Variants in SDK1 observed in about 807,000 individuals in gnomAD.
SDK1 encodes protein sidekick-1.
In SDK1, 157 loss-of-function variants were observed where a neutral mutation model predicts 245.5. The ratio of observed to expected loss-of-function variants is 0.64; its 90% confidence interval spans 0.56 to 0.73. The LOEUF (loss-of-function observed/expected upper bound fraction) is 0.73. Ranked by LOEUF, SDK1 falls within the 30% of genes least tolerant of loss-of-function variation. The probability of loss-of-function intolerance (pLI) is 0.00; values close to 1 mark genes in which losing one functional copy is unlikely to be tolerated. For synonymous variants in SDK1, 1,647 were observed against 1,278.5 expected (o/e 1.29, Z -6.15); for missense variants, 3,583 against 3,002.3 (o/e 1.19, Z -4.52).
chr7:3,492,683 T>A (rs1020486344), intron 1 of SDK1, among the ~76,000 whole-genome samples: 7 of 152,208 alleles, frequency 4.6e-5, no homozygotes, highest in African/African-American at 1.2e-4. Context: ...TGCTTCCTGG[T>A]TGACTGATGC....
In SDK1 at chr7:4,232,231, A is replaced by T. The variant is rs368701018; in HGVS notation, c.5828-1024A>T. Among the ~76,000 whole-genome samples, 5 of 151,810 alleles carry T rather than the reference A, an allele frequency of 3.3e-5. No homozygotes were observed. In the South Asian group the frequency reaches 1.0e-3, roughly 31 times the overall value. ...ACCATTCTACAGACAAGGGTCAGAG[A>T]GGTTCCGTTCTTTGTCTAAAGCCAC... On this transcript the variant is annotated intron_variant, in intron 40 of 44. Coordinates refer to ENST00000404826, the MANE Select transcript of SDK1 (RefSeq NM_152744.4).
chr7:3,766,599 G>A (rs1333415027), intron 4 of SDK1, among the ~76,000 whole-genome samples: 3 of 152,140 alleles, frequency 2.0e-5, no homozygotes, highest in Non-Finnish European at 2.9e-5. Flanking sequence ...TTTTAGTAAG[G>A]ATTTAGTAAA....
intron 35 of SDK1, among the ~76,000 whole-genome samples, chr7:4,189,375 C>A (rs1443092243): frequency 6.6e-6 from 1 of 152,148 alleles, no homozygotes; most frequent in African/African-American, 2.4e-5. Context: ...AAATATTAGT[C>A]CAGCAAAAAG....
At chr7:3,717,513 T>C (rs1385132570) in intron 4 of SDK1, among the ~76,000 whole-genome samples, 1 of 152,048 alleles carries the variant, frequency 6.6e-6, no homozygotes, top group Non-Finnish European at 1.5e-5. Flanking sequence ...TAATTTAAGC[T>C]CCCACCTAAG....
chr7:4,207,702 TG>T (rs1401261724), intron 36 of SDK1, among the ~76,000 whole-genome samples: 1 of 151,778 alleles, frequency 6.6e-6, no homozygotes, highest in East Asian at 1.9e-4. Flanking sequence ...CTCCAGAAGA[TG>T]GGGGAGAGGG....
At chr7:3,352,290 A>G (rs922339877) in intron 1 of SDK1, among the ~76,000 whole-genome samples, 2 of 151,752 alleles carry the variant, frequency 1.3e-5, no homozygotes, top group African/African-American at 4.8e-5. Context: ...CAAATACTTG[A>G]TACACGTTCC....
At chr7:3,792,442 A>G (rs1019005106) in intron 4 of SDK1, among the ~76,000 whole-genome samples, 2 of 152,230 alleles carry the variant, frequency 1.3e-5, no homozygotes, top group Non-Finnish European at 2.9e-5. Flanking sequence ...CGTGACTTAT[A>G]TAACTTTATA....
At chr7:4,237,827 C>T (rs767530117) in intron 42 of SDK1, 43 bp downstream of exon 42, 6 of 1,609,484 alleles carry the variant, frequency 3.7e-6, no homozygotes, top group Non-Finnish European at 5.1e-6. Flanking sequence ...CGATGCCACT[C>T]AGCCAAAACA....
At chr7:4,149,499 G>T in intron 30 of SDK1, 36 bp downstream of exon 30, 1 of 1,378,204 alleles carries the variant, frequency 7.3e-7, no homozygotes. Context: ...CCGGGGAACG[G>T]GGCCCTGGCC....
In SDK1 at chr7:3,369,234, C is replaced by T. The variant is rs562762344; in HGVS notation, c.298+67350C>T. Among the ~76,000 whole-genome samples the T allele has an allele frequency of 1.1e-4, 16 of 151,948 alleles. 1 individual carries two copies. The South Asian group carries it at 2.7e-3, about 26-fold the overall frequency. The stretch of plus-strand genomic sequence containing the variant: ...TGATTTTTTGTATTTTTAGTAGAGA[C>T]GGGGTTTCACCATGTTGGCGAGGCT... On this transcript the variant is annotated intron_variant, in intron 1 of 44. Coordinates refer to ENST00000404826, the MANE Select transcript of SDK1 (RefSeq NM_152744.4).
chr7:3,349,960 C>G (rs954979687), intron 1 of SDK1, among the ~76,000 whole-genome samples: 1 of 152,160 alleles, frequency 6.6e-6, no homozygotes, highest in Non-Finnish European at 1.5e-5. Flanking sequence ...AGGTTTACTC[C>G]TTGGGCAGTG....
At chr7:3,499,345 A>G (rs1374497795) in intron 1 of SDK1, among the ~76,000 whole-genome samples, 1 of 152,198 alleles carries the variant, frequency 6.6e-6, no homozygotes, top group Non-Finnish European at 1.5e-5. Flanking sequence ...TTCCTTAATG[A>G]CTTAGCCATT....
At chr7:3,630,489 G>A (rs1782256356) in intron 2 of SDK1, among the ~76,000 whole-genome samples, 1 of 152,130 alleles carries the variant, frequency 6.6e-6, no homozygotes, top group African/African-American at 2.4e-5. Context: ...ATTTAAGGTA[G>A]GATGGGCATG....
intron 1 of SDK1, among the ~76,000 whole-genome samples, chr7:3,478,758 T>A (rs1781420828): frequency 6.6e-6 from 1 of 152,122 alleles, no homozygotes; most frequent in Non-Finnish European, 1.5e-5. Flanking sequence ...CCTTTCCTAA[T>A]TGTTAAATTT....
At position 4,202,536 on chromosome 7, in the gene SDK1, C is replaced by T. The variant is rs571901270; in HGVS notation, c.5099-3343C>T. 3.3e-5 allele frequency among the ~76,000 whole-genome samples: 5 copies of T among 152,326 alleles called. No homozygotes were observed. The South Asian group carries it at 1.0e-3, about 32-fold the overall frequency. ...GGGCCAGAGGGGAAAATGTGCAGTC[C>T]TCCCTCAGTTGGAGCGACCGCCAGT... On this transcript the variant is annotated intron_variant, in intron 35 of 44. Coordinates refer to ENST00000404826, the MANE Select transcript of SDK1 (RefSeq NM_152744.4).
intron 28 of SDK1, among the ~76,000 whole-genome samples, chr7:4,139,521 G>GTATA (rs1445507680): frequency 3.5e-5 from 1 of 28,338 alleles, no homozygotes; most frequent in African/African-American, 1.2e-4. Flanking sequence ...ATATATGTGT[G>GTATA]TGTATGTGTG....
intron 4 of SDK1, among the ~76,000 whole-genome samples, chr7:3,807,446 G>GAAA (rs1389476732): frequency 1.3e-5 from 2 of 152,188 alleles, no homozygotes; most frequent in Non-Finnish European, 2.9e-5. Context: ...CAAAGATTCA[G>GAAA]AAAATCTACC....
intron 1 of SDK1, among the ~76,000 whole-genome samples, chr7:3,555,509 T>C (rs965457037): frequency 3.9e-5 from 6 of 152,064 alleles, no homozygotes; most frequent in African/African-American, 9.7e-5. Context: ...GGGCATTGGA[T>C]GGGGTAAGGA....
At chr7:4,003,489 C>T (rs1785230079) in intron 14 of SDK1, among the ~76,000 whole-genome samples, 1 of 152,166 alleles carries the variant, frequency 6.6e-6, no homozygotes, top group South Asian at 2.1e-4. Context: ...ACGTCTTTCC[C>T]GCTCTGTTGC....
Sources: gnomAD v4.1 joint callset for allele counts (sites outside exome capture counted in the v4.1 genomes callset) on GRCh38, gnomAD v4.1.1 for gene constraint, MANE v1.5 for transcripts, NCBI Gene and HGNC (gene_info 2026-07-23, HGNC 2026-07-21) for gene names.